Variants in NTM observed in about 807,000 individuals in gnomAD.
NTM encodes the protein neurotrimin.
Under a neutral mutation model 42.1 loss-of-function variants are expected in NTM, and 13 were observed. That is an observed-to-expected ratio of 0.31 (90% CI 0.20 to 0.49). The LOEUF is 0.49. Ranked by LOEUF, NTM falls within the 20% of genes least tolerant of loss-of-function variation. The pLI is 0.99. For missense variants in NTM, 373 were observed against 452.8 expected (o/e 0.82, Z 1.60); for synonymous variants, 187 against 179.2 (o/e 1.04, Z -0.35).
Position 131,598,848 on chromosome 11 carries a change from TCTTC to T in NTM, c.82+227985_82+227988del, listed in dbSNP as rs1310902703. ...TTTCTTCTTTCTTTCTTTCTTTCTT[TCTTC>T]CTTCCTTCCTTCCTTCCTTCCTTCT... On this transcript the variant is annotated intron_variant, in intron 1 of 8. Transcript: ENST00000683400. Among the ~76,000 whole-genome samples the T allele has an allele frequency of 1.8e-3, 76 of 41,224 alleles. 8 individuals are homozygous for T. Among genetic ancestry groups the T allele is most frequent in the East Asian group, 9.8e-3 (16 of 1,632 alleles). 27.0% of individuals were successfully genotyped at this position (41,224 alleles called of 152,430 possible). A position where few individuals can be genotyped will look rare whatever the true frequency, so the allele number is the denominator to read the frequency against.
At chr11:132,268,733 C>T (rs1458047154) in intron 4 of NTM, among the ~76,000 whole-genome samples, 1 of 150,288 alleles carries the variant, frequency 6.7e-6, no homozygotes, top group East Asian at 2.0e-4. Context: ...GATAATTTTG[C>T]ATTATTTTTA....
At chr11:132,164,402 C>T (rs1225851681) in intron 3 of NTM, among the ~76,000 whole-genome samples, 1 of 152,170 alleles carries the variant, frequency 6.6e-6, no homozygotes, top group Non-Finnish European at 1.5e-5. Context: ...AGACATCAGC[C>T]TCACTGGGCA....
At chr11:132,317,514 G>A (rs1417378062) in intron 7 of NTM, 1 of 368,760 alleles carries the variant, frequency 2.7e-6, no homozygotes, top group Non-Finnish European at 5.0e-6. Context: ...TTTGGTTTCT[G>A]TCTTCCTTTT....
At chr11:131,487,585 T>C (rs1954317984) in intron 1 of NTM, among the ~76,000 whole-genome samples, 1 of 152,182 alleles carries the variant, frequency 6.6e-6, no homozygotes, top group African/African-American at 2.4e-5. Context: ...AGGGTAACAA[T>C]AGAAAACAGA....
chr11:131,516,194 C>T (rs924950738), intron 1 of NTM, among the ~76,000 whole-genome samples: 6 of 152,156 alleles, frequency 3.9e-5, no homozygotes, highest in Non-Finnish European at 8.8e-5. Flanking sequence ...CATATATTAT[C>T]TCATCGATTT....
intron 1 of NTM, among the ~76,000 whole-genome samples, chr11:131,905,861 T>G (rs945255907): frequency 1.6e-4 from 25 of 152,042 alleles, no homozygotes; most frequent in African/African-American, 5.8e-4. Flanking sequence ...CCCCTTCCAG[T>G]GAAGCTAGAG....
chr11:131,473,016 ATAC>A (rs1246724115), intron 1 of NTM, among the ~76,000 whole-genome samples: 3 of 152,244 alleles, frequency 2.0e-5, no homozygotes, highest in African/African-American at 7.2e-5. Context: ...ATCAATAATA[ATAC>A]TAATAACAAT....
intron 1 of NTM, among the ~76,000 whole-genome samples, chr11:131,484,104 A>C (rs1282169697): frequency 6.6e-6 from 1 of 152,192 alleles, no homozygotes; most frequent in Admixed American, 6.5e-5. Context: ...TGTCTGGAGG[A>C]GTCTCCTGGG....
In NTM at chr11:132,185,468, G is replaced by A. The variant is rs976787966; in HGVS notation, c.401-26554G>A. Among the ~76,000 whole-genome samples the A allele has an allele frequency of 2.6e-5, 4 of 152,140 alleles. 1 individual carries two copies. Among genetic ancestry groups the A allele is most frequent in the Admixed American group, 1.3e-4 (2 of 15,274 alleles). On this transcript the variant is annotated intron_variant, in intron 3 of 8. Transcript: ENST00000683400. Reference sequence around the variant, plus strand: ...TTTTCCAGTACTTGTCTAATGAGAAGCGATGCCCAAAATTAGAGCTTGATG... The same window carrying A: ...TTTTCCAGTACTTGTCTAATGAGAAACGATGCCCAAAATTAGAGCTTGATG...
chr11:132,267,786 G>T (rs1477495729), intron 4 of NTM, among the ~76,000 whole-genome samples: 2 of 150,992 alleles, frequency 1.3e-5, no homozygotes, highest in Non-Finnish European at 2.9e-5. Flanking sequence ...ATGTTGCAGC[G>T]AGCCGAGATC....
intron 1 of NTM, among the ~76,000 whole-genome samples, chr11:131,903,837 T>G (rs1592708536): frequency 6.6e-6 from 1 of 152,196 alleles, no homozygotes; most frequent in East Asian, 1.9e-4. Flanking sequence ...TTTACTGAGC[T>G]GTCACCGTAC....
intron 1 of NTM, among the ~76,000 whole-genome samples, chr11:131,697,124 T>C (rs2075553794): frequency 6.6e-6 from 1 of 152,210 alleles, no homozygotes; most frequent in Admixed American, 6.5e-5. Flanking sequence ...CTTTGCTTAT[T>C]AATTTCTCAG....
At chr11:132,082,796 G>T (rs1275271983) in intron 2 of NTM, among the ~76,000 whole-genome samples, 1 of 152,178 alleles carries the variant, frequency 6.6e-6, no homozygotes, top group Non-Finnish European at 1.5e-5. Context: ...ATTGTTCAAG[G>T]CTCTGGTTGC....
rs1951303143 is a variant in NTM, at chr11:131,460,765, G to A, written c.82+89877G>A. Among the ~76,000 whole-genome samples the A allele has an allele frequency of 7.2e-5, 11 of 152,208 alleles. No homozygotes were observed. The South Asian group carries it at 2.3e-3, about 32-fold the overall frequency. On this transcript the variant is annotated intron_variant, in intron 1 of 8. Coordinates refer to ENST00000683400, the MANE Select transcript of NTM (RefSeq NM_001352005.2). The stretch of plus-strand genomic sequence containing the variant: ...GACGGGGTTTCACCATGTTGGCCAG[G>A]CTGGTCTCAAACTCCTGACCTCAAA...
chr11:131,663,756 A>G (rs2068510525), intron 1 of NTM, among the ~76,000 whole-genome samples: 1 of 151,982 alleles, frequency 6.6e-6, no homozygotes, highest in African/African-American at 2.4e-5. Context: ...TTTTTTAGCT[A>G]AGGCTTACCA....
At chr11:131,919,572 A>G (rs1239994616) in intron 2 of NTM, among the ~76,000 whole-genome samples, 2 of 151,068 alleles carry the variant, frequency 1.3e-5, no homozygotes, top group Non-Finnish European at 2.9e-5. Context: ...ACAGGAATCT[A>G]CAAACTCTGG....
chr11:131,774,572 G>A (rs1014396976), intron 1 of NTM, among the ~76,000 whole-genome samples: 1 of 152,008 alleles, frequency 6.6e-6, no homozygotes, highest in Admixed American at 6.5e-5. Context: ...AATACATGAG[G>A]AGTGTAAGAT....
At chr11:131,959,122 G>T (rs2061859159) in intron 2 of NTM, among the ~76,000 whole-genome samples, 1 of 152,172 alleles carries the variant, frequency 6.6e-6, no homozygotes, top group Non-Finnish European at 1.5e-5. Flanking sequence ...GGCCCAAGTG[G>T]ATGTTCTGTG....
At chr11:131,767,768 A>G (rs10791163) in intron 1 of NTM, among the ~76,000 whole-genome samples, 43,514 of 151,992 alleles carry the variant, frequency 0.29, 6,676 homozygotes, top group Admixed American at 0.4. Context: ...GCTGAACCAG[A>G]CCCATTTGCC....
Sources: allele counts gnomAD v4.1 joint callset (sites outside exome capture counted in the v4.1 genomes callset), GRCh38; gene constraint gnomAD v4.1.1; transcripts MANE v1.5; gene names NCBI Gene and HGNC (gene_info 2026-07-23, HGNC 2026-07-21).